The following SPATA9 variants were observed in gnomAD, a reference collection of about 807,000 sequenced individuals.
The protein encoded by SPATA9 is spermatogenesis-associated protein 9.
A neutral mutation model predicts 25.5 loss-of-function variants in SPATA9; 27 were observed. That is an observed-to-expected ratio of 1.06 (90% CI 0.78 to 1.46). The LOEUF (loss-of-function observed/expected upper bound fraction) is 1.46, where lower values mean the gene tolerates loss of function less well. Among genes scored for constraint, SPATA9 ranks in the 40% most tolerant of loss-of-function variants. SPATA9 has a pLI of 0.00. For synonymous variants in SPATA9, 102 were observed against 105.7 expected (o/e 0.97, Z 0.21); for missense variants, 282 against 297.5 (o/e 0.95, Z 0.38).
At chr5:95,652,324 C>T (rs1323185850), downstream of SPATA9, 3 of 1,550,756 alleles carry the variant, frequency 1.9e-6, no homozygotes, top group Non-Finnish European at 2.6e-6. Context: ...TCTACACTTC[C>T]TCTCCAAGTG....
chr5:95,657,742 C>T (rs1258475582), downstream of SPATA9: 1 of 152,118 alleles, frequency 6.6e-6, no homozygotes, highest in Admixed American at 6.5e-5. Context: ...AGACAACCAA[C>T]GAACCAGACT....
intron 4 of SPATA9, among the ~76,000 whole-genome samples, chr5:95,660,542 A>G (rs1751168469): frequency 6.6e-6 from 1 of 152,204 alleles, no homozygotes; most frequent in African/African-American, 2.4e-5. Flanking sequence ...ACTTTTATGT[A>G]TCCAGACCCA....
chr5:95,728,930 A>G, the SPATA9 span, among the ~76,000 whole-genome samples: 1 of 152,260 alleles, frequency 6.6e-6, no homozygotes, highest in African/African-American at 2.4e-5. Flanking sequence ...ATGCACTAGC[A>G]TGCTAAAAGA....
upstream of SPATA9, chr5:95,683,071 G>T: frequency 8.5e-7 from 1 of 1,172,920 alleles, no homozygotes; most frequent in Non-Finnish European, 1.1e-6. Context: ...GCAGTGAGAG[G>T]AAGAGGAGTG....
downstream of SPATA9, chr5:95,654,198 A>AG (rs1232506957): frequency 1.2e-6 from 2 of 1,613,126 alleles, no homozygotes; most frequent in African/African-American, 2.7e-5. Context: ...ATTTTCTACC[A>AG]CAAGGGAGAA....
chr5:95,715,181 G>A, the SPATA9 span, among the ~76,000 whole-genome samples: 2 of 151,982 alleles, frequency 1.3e-5, no homozygotes, highest in Non-Finnish European at 2.9e-5. Flanking sequence ...AAAATTAGCT[G>A]GGCGTGGTGG....
At chr5:95,678,692 C>G (rs1220958474) in intron 2 of SPATA9, among the ~76,000 whole-genome samples, 1 of 152,154 alleles carries the variant, frequency 6.6e-6, no homozygotes, top group Non-Finnish European at 1.5e-5. Context: ...AAGACCATTC[C>G]TTTCACTGTT....
chr5:95,731,866 C>T, the SPATA9 span: 10 of 1,612,666 alleles, frequency 6.2e-6, no homozygotes, highest in African/African-American at 1.3e-5. Flanking sequence ...CAGGTCCATC[C>T]ACATCGTGGC....
Position 95,658,852 on chromosome 5 carries a change from A to G in SPATA9, c.536T>C (p.Ile179Thr), listed in dbSNP as rs1366841844. Residue 179 changes from isoleucine (I) to threonine (T), a missense_variant, in exon 5 of 5, where the codon ATA (isoleucine) becomes ACA (threonine). Physicochemically the swap from Ile to Thr is moderately conservative, Grantham distance 89 (BLOSUM62 -1). Transcript: ENST00000274432. ...VKNIFQEEES[I>T]RQNREESENC... is the part of the protein sequence containing the mutation. ...TTCACTCTCCTCTCTGTTTTGCCTT[A>G]TGGATTCTTCTTCCTGGAAGATGTT... 4 of 1,613,930 alleles carry G rather than the reference A, an allele frequency of 2.5e-6. No individual in the cohort carries two copies. The East Asian group carries it at 6.7e-5, about 27-fold the overall frequency.
intron 4 of SPATA9, among the ~76,000 whole-genome samples, chr5:95,660,735 TC>T (rs1377463730): frequency 6.6e-6 from 1 of 152,190 alleles, no homozygotes; most frequent in Non-Finnish European, 1.5e-5. Flanking sequence ...ACCACCTTTT[TC>T]CCAGTCTCAG....
the SPATA9 span, among the ~76,000 whole-genome samples, chr5:95,706,412 A>G: frequency 1.3e-5 from 2 of 151,838 alleles, no homozygotes; most frequent in African/African-American, 4.8e-5. Context: ...CTCCTGCTCC[A>G]GCCACAAATG....
Position 95,663,969 on chromosome 5 carries a change from G to T in SPATA9, c.458C>A (p.Ala153Glu). 6.4e-7 allele frequency: 1 copy of T among 1,565,222 alleles called. No individual in the cohort carries two copies. Among genetic ancestry groups the T allele is most frequent in the Non-Finnish European group, 8.7e-7 (1 of 1,152,126 alleles). Residue 153 changes from alanine to glutamate, a missense_variant, in exon 4 of 5, where the codon GCA (alanine) becomes GAA (glutamate). Transcript: ENST00000274432. ...ALTSIIYASY[A>E]ALIYLAVCVN... is the part of the protein sequence containing the mutation. The stretch of plus-strand genomic sequence containing the variant: ...TTAACTTACCAAATAAATTAGTGCT[G>T]CATATGAAGCATATATTATGCTAGT...
the SPATA9 span, among the ~76,000 whole-genome samples, chr5:95,706,985 G>A: frequency 1.4e-4 from 22 of 152,282 alleles, no homozygotes; most frequent in African/African-American, 4.8e-4. Context: ...GCAATGTAGA[G>A]TTTGATTTTG....
the SPATA9 span, among the ~76,000 whole-genome samples, chr5:95,721,259 G>C: frequency 6.6e-6 from 1 of 152,182 alleles, no homozygotes; most frequent in Non-Finnish European, 1.5e-5. Flanking sequence ...GCTTGCCACT[G>C]AAATTAGTCC....
Position 95,682,787 on chromosome 5 carries a change from T to C in SPATA9, c.61+7A>G. 2 of 1,544,236 alleles carry C rather than the reference T, an allele frequency of 1.3e-6. No homozygotes were observed. The highest frequency in any genetic ancestry group is 1.3e-5 in the South Asian group (1 of 76,656). On this transcript the variant is annotated splice_region_variant and intron_variant, in intron 1 of 4. Transcript: ENST00000274432. ...CCATACGCCCTTTACAACAAGATTG[T>C]GTATACTTCTTCCAGAAAAGTTCTT...
At position 95,664,000 on chromosome 5, in the gene SPATA9, C is replaced by G; in HGVS notation, c.427G>C (p.Ala143Pro). ...FEIISFPAKTALTSIIYASYA... is the reference protein window; with the variant it reads ...FEIISFPAKTPLTSIIYASYA... ...GAAGCATATATTATGCTAGTTAAAGCAGTCTTTGCTGGAAAGGAGATGATT... is the reference window on the plus strand; with the variant it reads ...GAAGCATATATTATGCTAGTTAAAGGAGTCTTTGCTGGAAAGGAGATGATT... Residue 143 changes from alanine to proline, a missense_variant, in exon 4 of 5, where the codon GCT becomes CCT. Ala to Pro is a conservative substitution (Grantham distance 27, BLOSUM62 -1). Transcript: ENST00000274432. The G allele has an allele frequency of 1.3e-6, 2 of 1,598,150 alleles. No homozygotes were observed. Among genetic ancestry groups the G allele is most frequent in the Non-Finnish European group, 1.7e-6 (2 of 1,170,536 alleles).
At chr5:95,686,250 C>T (rs1753742177), upstream of SPATA9, among the ~76,000 whole-genome samples, 1 of 152,086 alleles carries the variant, frequency 6.6e-6, no homozygotes. Flanking sequence ...ATGGTTGCTA[C>T]CTCAAGACTA....
At chr5:95,684,183 A>T (rs1753662622), upstream of SPATA9, among the ~76,000 whole-genome samples, 1 of 152,188 alleles carries the variant, frequency 6.6e-6, no homozygotes, top group African/African-American at 2.4e-5. Context: ...TAACATTTGG[A>T]AAGTGCAATC....
upstream of SPATA9, among the ~76,000 whole-genome samples, chr5:95,701,683 T>C (rs115979100): frequency 4.7e-3 from 706 of 151,310 alleles, 6 homozygotes; most frequent in South Asian, 8.2e-3. Flanking sequence ...TTCATGAAAA[T>C]AGTGAAAGCT....
Sources: gnomAD v4.1 joint callset for allele counts (sites outside exome capture counted in the v4.1 genomes callset) on GRCh38, gnomAD v4.1.1 for gene constraint, MANE v1.5 for transcripts, NCBI Gene and HGNC (gene_info 2026-07-23, HGNC 2026-07-21) for gene names.